Variants in MALRD1 observed in about 807,000 individuals in gnomAD.
MALRD1 encodes the protein MAM and LDL-receptor class A domain-containing protein 1.
MALRD1 carries 247 observed loss-of-function variants against 242.1 expected under a neutral mutation model. The ratio of observed to expected loss-of-function variants is 1.02; its 90% CI spans 0.92 to 1.13. The LOEUF (loss-of-function observed/expected upper bound fraction) is 1.13, where lower values mean the gene tolerates loss of function less well. Ranked by LOEUF, MALRD1 falls within the 50% of genes most tolerant of loss-of-function variation. The probability of loss-of-function intolerance (pLI) is 0.00; values close to 1 mark genes in which losing one functional copy is unlikely to be tolerated. For missense variants in MALRD1, 2,989 were observed against 2,533.1 expected (o/e 1.18, Z -3.86); for synonymous variants, 995 against 866.6 (o/e 1.15, Z -2.60).
chr10:19,556,028 T>C (rs1050045289), intron 32 of MALRD1, among the ~76,000 whole-genome samples: 9 of 152,172 alleles, frequency 5.9e-5, no homozygotes, highest in African/African-American at 2.2e-4. Context: ...GGCAACTCAG[T>C]AAACCAAAGG....
intron 28 of MALRD1, among the ~76,000 whole-genome samples, chr10:19,392,567 G>T (rs867111195): frequency 1.3e-5 from 2 of 152,082 alleles, no homozygotes; most frequent in Non-Finnish European, 2.9e-5. Context: ...AGAACATTTG[G>T]TAAAGAGCAG....
rs1420010619 is a variant in MALRD1 at position 19,440,183 on chromosome 10, C to G, written c.4846-10124C>G. On this transcript the variant is annotated intron_variant, in intron 28 of 39. Coordinates refer to ENST00000454679, the MANE Select transcript of MALRD1 (RefSeq NM_001142308.3). ...TGTTTTTCTGTCATTTTCGCATTGA[C>G]TTCGGGAGAGTTCTGTTTATATACT... Among the ~76,000 whole-genome samples the G allele has an allele frequency of 3.3e-5, 5 of 152,158 alleles. No homozygotes were observed. The South Asian group carries it at 6.2e-4, about 19-fold the overall frequency.
intron 21 of MALRD1, among the ~76,000 whole-genome samples, chr10:19,309,317 A>G (rs1361350691): frequency 6.6e-6 from 1 of 151,516 alleles, no homozygotes; most frequent in East Asian, 1.9e-4. Flanking sequence ...TTAAGAATTT[A>G]TAGTATCTCT....
chr10:19,164,738 G>C (rs1394548660), intron 12 of MALRD1, among the ~76,000 whole-genome samples: 2 of 152,086 alleles, frequency 1.3e-5, no homozygotes. Flanking sequence ...ATCAATAACA[G>C]TACGCAATTT....
chr10:19,708,620 A>G (rs1833973228), intron 38 of MALRD1, among the ~76,000 whole-genome samples: 1 of 114,932 alleles, frequency 8.7e-6, no homozygotes. Flanking sequence ...TACTGGAATC[A>G]TGTGCCTGAG....
chr10:19,486,979 T>G (rs371150655), intron 29 of MALRD1, among the ~76,000 whole-genome samples: 12 of 152,298 alleles, frequency 7.9e-5, no homozygotes, highest in African/African-American at 2.6e-4. Flanking sequence ...TATGGCTGCA[T>G]TATTTTCCAC....
chr10:19,243,025 T>C (rs546386182), intron 18 of MALRD1, among the ~76,000 whole-genome samples: 1 of 152,040 alleles, frequency 6.6e-6, no homozygotes, highest in African/African-American at 2.4e-5. Flanking sequence ...CTTTCTAGTT[T>C]GGTGGTTTTC....
chr10:19,542,931 T>TA (rs1203779860), intron 32 of MALRD1, among the ~76,000 whole-genome samples: 2 of 152,214 alleles, frequency 1.3e-5, no homozygotes, highest in Non-Finnish European at 2.9e-5. Context: ...TTTGGGGAAT[T>TA]ACAACTTTTA....
intron 38 of MALRD1, among the ~76,000 whole-genome samples, chr10:19,729,797 C>T (rs1480970810): frequency 1.4e-4 from 17 of 123,378 alleles, no homozygotes; most frequent in South Asian, 2.7e-4. Context: ...AGTGCAGTGG[C>T]GCGATCTCGG....
chr10:19,157,870 T>G (rs533180618), intron 12 of MALRD1, among the ~76,000 whole-genome samples: 1 of 152,340 alleles, frequency 6.6e-6, no homozygotes, highest in Non-Finnish European at 1.5e-5. Context: ...GAGTTGCCAT[T>G]TCTAACAGCA....
intron 34 of MALRD1, among the ~76,000 whole-genome samples, chr10:19,597,118 A>G (rs1199415385): frequency 1.8e-4 from 27 of 152,142 alleles, no homozygotes; most frequent in Non-Finnish European, 2.2e-4. Flanking sequence ...CTACCTATAT[A>G]TTCTCTCTGA....
chr10:19,219,159 G>C (rs530863475), intron 18 of MALRD1, among the ~76,000 whole-genome samples: 1 of 151,962 alleles, frequency 6.6e-6, no homozygotes, highest in Admixed American at 6.6e-5. Flanking sequence ...AGATTTTCAT[G>C]GTGCTGAAAA....
intron 34 of MALRD1, among the ~76,000 whole-genome samples, chr10:19,595,926 A>T (rs1211032428): frequency 6.6e-6 from 1 of 152,202 alleles, no homozygotes; most frequent in Admixed American, 6.5e-5. Context: ...ACCTGAGTAA[A>T]TGTCATGTCA....
chr10:19,702,724 G>A (rs147399658), intron 38 of MALRD1, among the ~76,000 whole-genome samples: 7 of 152,174 alleles, frequency 4.6e-5, no homozygotes, highest in African/African-American at 1.4e-4. Context: ...TAAAATGTTT[G>A]GGCAAGAGAT....
At chr10:19,277,942 A>AT (rs1233277797) in intron 19 of MALRD1, among the ~76,000 whole-genome samples, 2 of 151,976 alleles carry the variant, frequency 1.3e-5, no homozygotes, top group African/African-American at 2.4e-5. Context: ...TCTAACTATT[A>AT]TTTTTTTTCC....
At chr10:19,405,024 G>T (rs1181120409) in intron 28 of MALRD1, among the ~76,000 whole-genome samples, 1 of 152,060 alleles carries the variant, frequency 6.6e-6, no homozygotes, top group Non-Finnish European at 1.5e-5. Context: ...TTATTTAGTA[G>T]GTTTTTCATG....
chr10:19,272,574 G>T (rs2131852812), intron 19 of MALRD1, among the ~76,000 whole-genome samples: 1 of 152,110 alleles, frequency 6.6e-6, no homozygotes, highest in African/African-American at 2.4e-5. Context: ...GTGCAGGTTT[G>T]TTACATAGGT....
intron 29 of MALRD1, among the ~76,000 whole-genome samples, chr10:19,455,036 A>G (rs1835571041): frequency 6.6e-6 from 1 of 152,200 alleles, no homozygotes; most frequent in African/African-American, 2.4e-5. Context: ...TAGTCTGTCC[A>G]GGAACACAAT....
intron 38 of MALRD1, among the ~76,000 whole-genome samples, chr10:19,718,417 A>G (rs1397326605): frequency 2.6e-5 from 4 of 152,184 alleles, no homozygotes; most frequent in Non-Finnish European, 2.9e-5. Flanking sequence ...ATCACGTAGC[A>G]AGAGCAAGAG....
Sources: allele counts gnomAD v4.1 joint callset (sites outside exome capture counted in the v4.1 genomes callset), GRCh38; gene constraint gnomAD v4.1.1; transcripts MANE v1.5; gene names NCBI Gene and HGNC (gene_info 2026-07-23, HGNC 2026-07-21).